ADAM28: variants seen among roughly 807,000 people sequenced by gnomAD.
ADAM28 encodes disintegrin and metalloproteinase domain-containing protein 28.
ADAM28 carries 105 observed loss-of-function variants against 101.2 expected under a neutral mutation model. The ratio of observed to expected loss-of-function variants is 1.04; its 90% confidence interval spans 0.89 to 1.22. The LOEUF (loss-of-function observed/expected upper bound fraction) is 1.22, where lower values mean the gene tolerates loss of function less well. Among genes scored for constraint, ADAM28 ranks in the 50% most tolerant of loss-of-function variants. The pLI, the probability that ADAM28 is intolerant of heterozygous loss-of-function variation, is 0.00. For synonymous variants in ADAM28, 322 were observed against 310.6 expected, an observed-to-expected ratio of 1.04 and a Z score of -0.39; for missense variants, 1,028 against 945.4, an observed-to-expected ratio of 1.09 and a Z score of -1.15.
chr8:24,299,833 A>C (rs1808468536), intron 1 of ADAM28, 141 bp from the exon 2 acceptor site: 2 of 591,596 alleles, frequency 3.4e-6, no homozygotes, highest in Middle Eastern at 2.7e-4. Flanking sequence ...TTCTGGTGTC[A>C]GCACATTAAT....
At chr8:24,340,078 G>A (rs563722307) in intron 15 of ADAM28, among the ~76,000 whole-genome samples, 19 of 152,270 alleles carry the variant, frequency 1.2e-4, no homozygotes, top group Non-Finnish European at 7.4e-5. Context: ...GAGTTTGTTA[G>A]TTTTAGTACT....
At chr8:24,336,069 G>A (rs1224609569) in intron 14 of ADAM28, 22 of 991,424 alleles carry the variant, frequency 2.2e-5, no homozygotes, top group Middle Eastern at 5.1e-4. Flanking sequence ...TGCAGGGGTG[G>A]CAGAAGTACT....
chr8:24,340,239 A>G (rs1430199340), intron 15 of ADAM28, among the ~76,000 whole-genome samples: 1 of 152,226 alleles, frequency 6.6e-6, no homozygotes, highest in Non-Finnish European at 1.5e-5. Context: ...CAAATAATAT[A>G]TAACAAGAGG....
At chr8:24,308,965 A>G (rs1810066227) in intron 2 of ADAM28, among the ~76,000 whole-genome samples, 1 of 152,304 alleles carries the variant, frequency 6.6e-6, no homozygotes, top group African/African-American at 2.4e-5. Flanking sequence ...GTGTTTCTCA[A>G]CAACCTTTGG....
In ADAM28 at chr8:24,323,866, A is replaced by G; in HGVS notation, c.753A>G (p.Leu251=). The G allele has an allele frequency of 6.2e-7, 1 of 1,612,074 alleles. No homozygotes were observed. Among genetic ancestry groups the G allele is most frequent in the Non-Finnish European group, 8.5e-7 (1 of 1,178,710 alleles). Residue 251 remains leucine (L), a synonymous_variant, in exon 9 of 23, where the codon TTA becomes TTG. Coordinates refer to ENST00000265769, the MANE Select transcript of ADAM28 (RefSeq NM_014265.6). The part of the protein sequence containing the change: ...LYKKLNTHVA[L]VGMEIWTDKD... ...AAAAGCTCAATACTCATGTGGCCTT[A>G]GTTGGTATGGAAATCTGGACTGACA...
intron 21 of ADAM28, 139 bp downstream of exon 21, chr8:24,352,191 C>A (rs768074224): frequency 1.9e-5 from 15 of 803,324 alleles, no homozygotes; most frequent in Non-Finnish European, 2.5e-5. Flanking sequence ...AATACAAATT[C>A]TTCTGCAAAA....
chr8:24,342,749 G>T (rs1814932002), intron 16 of ADAM28, among the ~76,000 whole-genome samples: 1 of 152,128 alleles, frequency 6.6e-6, no homozygotes, highest in Admixed American at 6.6e-5. Flanking sequence ...CCTTAAGGGA[G>T]GGAAGTACTG....
chr8:24,331,748 G>A (rs1012448515), intron 12 of ADAM28, among the ~76,000 whole-genome samples: 5 of 152,076 alleles, frequency 3.3e-5, no homozygotes, highest in Non-Finnish European at 7.4e-5. Flanking sequence ...GGATTCAAAT[G>A]TATCTGTTTC....
chr8:24,321,469 C>T, intron 8 of ADAM28, 180 bp downstream of exon 8: 1 of 627,236 alleles, frequency 1.6e-6, no homozygotes, highest in Non-Finnish European at 2.9e-6. Flanking sequence ...ATATTAATAC[C>T]ACAAACCAAC....
chr8:24,336,163 T>C, intron 14 of ADAM28: 2 of 985,310 alleles, frequency 2.0e-6, no homozygotes, highest in South Asian at 9.4e-5. Context: ...AAGTGAAAGT[T>C]CTTAAATGGT....
At chr8:24,306,070 T>G (rs1328187679) in intron 2 of ADAM28, among the ~76,000 whole-genome samples, 1 of 151,970 alleles carries the variant, frequency 6.6e-6, no homozygotes, top group South Asian at 2.1e-4. Flanking sequence ...AAAACTTTTT[T>G]GTATAAATAT....
At chr8:24,306,264 AC>A (rs1405918832) in intron 2 of ADAM28, among the ~76,000 whole-genome samples, 5 of 149,818 alleles carry the variant, frequency 3.3e-5, no homozygotes, top group African/African-American at 5.0e-5. Context: ...AATCACTTGA[AC>A]CCTGGGAGGC....
intron 9 of ADAM28, among the ~76,000 whole-genome samples, chr8:24,325,887 A>AAAAAAAAAAAAAAAAAAAAAAAAAAAAC (rs1812520408): frequency 7.4e-6 from 1 of 135,916 alleles, no homozygotes; most frequent in Non-Finnish European, 1.6e-5. Flanking sequence ...AAAAAAAAAA[A>AAAAAAAAAAAAAAAAAAAAAAAAAAAAC]AAAAAAAAAA....
At chr8:24,327,599 A>G (rs866968432) in intron 10 of ADAM28, among the ~76,000 whole-genome samples, 1 of 152,198 alleles carries the variant, frequency 6.6e-6, no homozygotes, top group Non-Finnish European at 1.5e-5. Flanking sequence ...AGAAAAAAGA[A>G]CAAAGCTGGA....
intron 2 of ADAM28, among the ~76,000 whole-genome samples, chr8:24,307,832 A>T (rs1487938037): frequency 6.6e-6 from 1 of 152,172 alleles, no homozygotes; most frequent in African/African-American, 2.4e-5. Context: ...TTACAGCACA[A>T]TTCCTCCCTC....
chr8:24,351,650 A>G, intron 20 of ADAM28: 1 of 467,218 alleles, frequency 2.1e-6, no homozygotes, highest in Non-Finnish European at 3.9e-6. Context: ...AATAGATACA[A>G]AAATATGTAT....
intron 15 of ADAM28, 107 bp from the exon 16 acceptor site, chr8:24,341,491 A>G (rs1289511645): frequency 2.6e-6 from 3 of 1,132,206 alleles, no homozygotes; most frequent in African/African-American, 1.6e-5. Context: ...TACAACTAAG[A>G]GTCTCGGCTA....
At chr8:24,348,956 C>T (rs6995533) in intron 18 of ADAM28, among the ~76,000 whole-genome samples, 10,949 of 152,208 alleles carry the variant, frequency 0.072, 687 homozygotes, top group African/African-American at 0.17. Flanking sequence ...GAATGCTTCA[C>T]TGTTTTATTT....
In ADAM28 at chr8:24,357,446, C is replaced by T. The variant is rs914020481; in HGVS notation, c.*3042C>T. ...ACATGGCCTAGGAGGCCTCAGGAAACTTACAATCATGATGAAAGAGGAAGC... is the reference window on the plus strand; with the variant it reads ...ACATGGCCTAGGAGGCCTCAGGAAATTTACAATCATGATGAAAGAGGAAGC... On this transcript the variant is annotated 3_prime_UTR_variant, in exon 23 of 23. Transcript: ENST00000265769. The T allele has an allele frequency of 5.9e-5, 9 of 152,074 alleles. No individual in the cohort carries two copies. Among genetic ancestry groups the T allele is most frequent in the African/African-American group, 1.5e-4 (6 of 41,378 alleles). 9.4% of individuals were successfully genotyped at this position (152,074 alleles called of 1,614,324 possible).
Sources: allele counts gnomAD v4.1 joint callset (sites outside exome capture counted in the v4.1 genomes callset), GRCh38; gene constraint gnomAD v4.1.1; transcripts MANE v1.5; gene names NCBI Gene and HGNC (gene_info 2026-07-23, HGNC 2026-07-21).